The following RAD51B variants were observed in gnomAD, a reference collection of about 807,000 sequenced individuals.
The protein encoded by RAD51B is RAD51 paralog B.
In RAD51B, 38 loss-of-function variants were observed where a neutral mutation model predicts 42.2. The ratio of observed to expected loss-of-function variants is 0.90; its 90% CI spans 0.70 to 1.18. The LOEUF is 1.18. Ranked by LOEUF, RAD51B falls within the 50% of genes most tolerant of loss-of-function variation. The probability of loss-of-function intolerance (pLI) is 0.00; values close to 1 mark genes in which losing one functional copy is unlikely to be tolerated. For missense variants in RAD51B, 373 were observed against 400.7 expected, an observed-to-expected ratio of 0.93 and a Z score of 0.59; for synonymous variants, 154 against 145.2, an observed-to-expected ratio of 1.06 and a Z score of -0.43.
chr14:67,953,079 T>C (rs1402242442), intron 7 of RAD51B, among the ~76,000 whole-genome samples: 1 of 152,116 alleles, frequency 6.6e-6, no homozygotes, highest in Non-Finnish European at 1.5e-5. Context: ...TCAGAGAACT[T>C]ATCTAGGAAG....
At chr14:68,344,183 A>G (rs1329766187) in intron 8 of RAD51B, among the ~76,000 whole-genome samples, 1 of 152,208 alleles carries the variant, frequency 6.6e-6, no homozygotes, top group Non-Finnish European at 1.5e-5. Context: ...TGGTAGAGCC[A>G]TGGGCAGCTT....
intron 7 of RAD51B, among the ~76,000 whole-genome samples, chr14:67,923,426 A>G (rs924699903): frequency 6.6e-6 from 1 of 151,106 alleles, no homozygotes; most frequent in Non-Finnish European, 1.5e-5. Context: ...CAGCCTCCCA[A>G]GTAGCTGGGA....
intron 7 of RAD51B, among the ~76,000 whole-genome samples, chr14:67,975,896 A>G (rs535033997): frequency 1.6e-4 from 25 of 152,212 alleles, no homozygotes; most frequent in Non-Finnish European, 3.2e-4. Flanking sequence ...ACCAAACCTT[A>G]TCCCCATCCC....
intron 7 of RAD51B, among the ~76,000 whole-genome samples, chr14:67,895,328 T>G (rs922829130): frequency 1.3e-5 from 2 of 152,224 alleles, no homozygotes; most frequent in African/African-American, 4.8e-5. Flanking sequence ...AGTACAGGGA[T>G]GCAGAGAATG....
chr14:68,220,087 G>A (rs2079894558), intron 7 of RAD51B, among the ~76,000 whole-genome samples: 1 of 152,088 alleles, frequency 6.6e-6, no homozygotes, highest in South Asian at 2.1e-4. Context: ...AAGACCTTCA[G>A]AGCTCAAAGA....
At chr14:68,498,908 C>T (rs1884729525) in intron 10 of RAD51B, among the ~76,000 whole-genome samples, 1 of 152,290 alleles carries the variant, frequency 6.6e-6, no homozygotes, top group East Asian at 1.9e-4. Flanking sequence ...GACTGGGAAC[C>T]CCTGGGCAAT....
In RAD51B at chr14:68,089,741, T is replaced by G. The variant is rs957728980; in HGVS notation, c.757-202143T>G. On this transcript the variant is annotated intron_variant, in intron 7 of 10. Transcript: ENST00000471583. ...CCTCAGTGTCAGGTAAATGTTTATG[T>G]GTGTGTGAAAACGCAGACTTTGGCA... Among the ~76,000 whole-genome samples, 4 of 152,234 alleles carry G rather than the reference T, an allele frequency of 2.6e-5. No individual in the cohort carries two copies. In the South Asian group the frequency reaches 8.3e-4, roughly 32 times the overall value.
At chr14:68,347,071 C>G (rs1420461473) in intron 8 of RAD51B, among the ~76,000 whole-genome samples, 1 of 151,972 alleles carries the variant, frequency 6.6e-6, no homozygotes, top group Non-Finnish European at 1.5e-5. Flanking sequence ...TTCTTCCCTT[C>G]CATGTCTATA....
intron 10 of RAD51B, among the ~76,000 whole-genome samples, chr14:68,546,838 G>C (rs1888261212): frequency 6.6e-6 from 1 of 152,048 alleles, no homozygotes; most frequent in Admixed American, 6.5e-5. Flanking sequence ...TGTTATCTTG[G>C]GCGACCAACT....
chr14:68,613,662 G>T (rs893308333), downstream of RAD51B, among the ~76,000 whole-genome samples: 2 of 151,892 alleles, frequency 1.3e-5, no homozygotes, highest in Non-Finnish European at 2.9e-5. Flanking sequence ...CACCGTGTTA[G>T]CCAGGATGGT....
intron 10 of RAD51B, among the ~76,000 whole-genome samples, chr14:68,625,149 G>T (rs999922717): frequency 3.3e-5 from 5 of 152,160 alleles, no homozygotes; most frequent in African/African-American, 1.2e-4. Context: ...TATAGCATGG[G>T]AATTCCAGGT....
At chr14:68,431,063 T>G (rs2084990972) in intron 9 of RAD51B, among the ~76,000 whole-genome samples, 1 of 152,120 alleles carries the variant, frequency 6.6e-6, no homozygotes, top group South Asian at 2.1e-4. Context: ...TTATTGATTT[T>G]TGTATGTTGA....
At chr14:68,587,476 C>A (rs1190879949) in intron 10 of RAD51B, among the ~76,000 whole-genome samples, 1 of 152,112 alleles carries the variant, frequency 6.6e-6, no homozygotes, top group African/African-American at 2.4e-5. Flanking sequence ...CAAAGGCAGC[C>A]CCTTGCTTTC....
intron 7 of RAD51B, among the ~76,000 whole-genome samples, chr14:67,938,786 A>G (rs545239852): frequency 6.6e-6 from 1 of 152,204 alleles, no homozygotes; most frequent in East Asian, 1.9e-4. Flanking sequence ...ACTCCTTAGC[A>G]CTGTATGACT....
At chr14:68,105,208 G>T (rs1376925718) in intron 7 of RAD51B, among the ~76,000 whole-genome samples, 2 of 151,512 alleles carry the variant, frequency 1.3e-5, no homozygotes, top group African/African-American at 4.9e-5. Flanking sequence ...AAATTTCGGA[G>T]CTTCTCAGTG....
At chr14:68,454,022 G>C (rs1054394460) in intron 9 of RAD51B, among the ~76,000 whole-genome samples, 19 of 152,156 alleles carry the variant, frequency 1.2e-4, no homozygotes, top group African/African-American at 4.6e-4. Flanking sequence ...ATTAGAAGTG[G>C]TCAGAAGACA....
chr14:68,262,284 A>G (rs1169709494), intron 7 of RAD51B, among the ~76,000 whole-genome samples: 1 of 152,136 alleles, frequency 6.6e-6, no homozygotes, highest in East Asian at 1.9e-4. Context: ...TGGCTGGGGC[A>G]GTATCATTAA....
intron 8 of RAD51B, among the ~76,000 whole-genome samples, chr14:68,305,213 G>C (rs1261448852): frequency 2.0e-5 from 3 of 152,166 alleles, no homozygotes; most frequent in Non-Finnish European, 2.9e-5. Context: ...AGTAGAGTGA[G>C]ACTGAAACCA....
intron 10 of RAD51B, among the ~76,000 whole-genome samples, chr14:68,622,824 T>C (rs2140116639): frequency 6.6e-6 from 1 of 151,924 alleles, no homozygotes; most frequent in Middle Eastern, 3.4e-3. Flanking sequence ...GAGGTGTTTA[T>C]GCTGGGTCAC....
Sources: allele counts gnomAD v4.1 joint callset (sites outside exome capture counted in the v4.1 genomes callset), GRCh38; gene constraint gnomAD v4.1.1; transcripts MANE v1.5; gene names NCBI Gene and HGNC (gene_info 2026-07-23, HGNC 2026-07-21).